The following RORA variants were observed in gnomAD, a reference collection of about 807,000 sequenced individuals.
RORA encodes RAR related orphan receptor A, also known as nuclear receptor ROR-alpha.
Under a neutral mutation model 69.5 loss-of-function variants are expected in RORA, and 7 were observed. The ratio of observed to expected loss-of-function variants is 0.10; its 90% CI spans 0.06 to 0.19. The LOEUF is 0.19. Ranked by LOEUF, RORA falls within the 10% of genes least tolerant of loss-of-function variation. The probability of loss-of-function intolerance (pLI) is 1.00; values close to 1 mark genes in which losing one functional copy is unlikely to be tolerated. For missense variants in RORA, 457 were observed against 663.0 expected (o/e 0.69, Z 3.41); for synonymous variants, 261 against 240.8 (o/e 1.08, Z -0.78).
chr15:60,779,012 C>CA lies in RORA; in HGVS notation c.167-100327dup, dbSNP rs373595073. Among the ~76,000 whole-genome samples, 1,086 of 152,228 alleles carry CA rather than the reference C, an allele frequency of 7.1e-3. 15 individuals are homozygous for CA. The highest frequency in any genetic ancestry group is 0.025 in the African/African-American group (1,039 of 41,540). On this transcript the variant is annotated intron_variant, in intron 1 of 10. Transcript: ENST00000335670. ...TTTCAAGTTCAAAGTGGATTGTAAA[C>CA]ATTAATTAATCAATTCCTCCTCCCA...
chr15:60,515,329 A>C lies in RORA; in HGVS notation c.283-572T>G, dbSNP rs528829553. Among the ~76,000 whole-genome samples, 5 of 152,298 alleles carry C rather than the reference A, an allele frequency of 3.3e-5. No homozygotes were observed. The South Asian group carries it at 1.0e-3, about 32-fold the overall frequency. On this transcript the variant is annotated intron_variant, in intron 3 of 10. Coordinates refer to ENST00000335670, the MANE Select transcript of RORA (RefSeq NM_134261.3). Reference sequence around the variant, plus strand: ...ACACTTGGAGGGATTATTTTGGCAGATCAGATTGGGAATATTCCCTCATCC... The same window carrying C: ...ACACTTGGAGGGATTATTTTGGCAGCTCAGATTGGGAATATTCCCTCATCC...
intron 1 of RORA, among the ~76,000 whole-genome samples, chr15:61,075,050 G>T (rs1216937948): frequency 2.0e-5 from 3 of 150,624 alleles, no homozygotes; most frequent in Admixed American, 6.6e-5. Context: ...TCGTGGCACT[G>T]CACTCCAGCC....
intron 2 of RORA, chr15:60,615,094 G>A: frequency 3.8e-6 from 6 of 1,574,440 alleles, no homozygotes; most frequent in Non-Finnish European, 5.2e-6. Flanking sequence ...GAACCTGGTG[G>A]TGGATCAGCT....
rs1030573433 is a variant in RORA at position 60,996,077 on chromosome 15, T to G, written c.166+232976A>C. 3.0e-5 allele frequency among the ~76,000 whole-genome samples: 3 copies of G among 99,552 alleles called. No homozygotes were observed. In the Admixed American group the frequency reaches 3.0e-4, roughly 10 times the overall value. The allele number at this position is 99,552 out of a possible 152,430, so 65.3% of individuals were successfully genotyped here. On this transcript the variant is annotated intron_variant, in intron 1 of 10. Coordinates refer to ENST00000335670, the MANE Select transcript of RORA (RefSeq NM_134261.3). ...GATCTAGATCTTGTTTTTTGTTTTTTTTTTTTTTTTTGAGATGGAGTCTCA... is the reference window on the plus strand; with the variant it reads ...GATCTAGATCTTGTTTTTTGTTTTTGTTTTTTTTTTTGAGATGGAGTCTCA...
intron 1 of RORA, among the ~76,000 whole-genome samples, chr15:61,081,509 C>T (rs1397535146): frequency 2.6e-5 from 4 of 152,036 alleles, no homozygotes; most frequent in African/African-American, 9.7e-5. Flanking sequence ...TTATGCTTTT[C>T]AAAGAAAACT....
chr15:60,714,468 G>A (rs531128482), intron 1 of RORA, among the ~76,000 whole-genome samples: 4 of 151,126 alleles, frequency 2.6e-5, no homozygotes, highest in South Asian at 4.2e-4. Flanking sequence ...GGGCTCAAGC[G>A]ATTCTCCTGC....
chr15:60,768,194 T>C (rs1025369476), intron 1 of RORA, among the ~76,000 whole-genome samples: 1 of 152,240 alleles, frequency 6.6e-6, no homozygotes, highest in African/African-American at 2.4e-5. Flanking sequence ...TGCCGCTGCC[T>C]CCTCTTTTGC....
intron 1 of RORA, among the ~76,000 whole-genome samples, chr15:60,693,673 T>C (rs1008185093): frequency 6.6e-6 from 1 of 152,136 alleles, no homozygotes; most frequent in Non-Finnish European, 1.5e-5. Flanking sequence ...AGCCAAATCA[T>C]GAATGAACTC....
chr15:61,157,793 T>C (rs1347349341), intron 1 of RORA, among the ~76,000 whole-genome samples: 1 of 152,188 alleles, frequency 6.6e-6, no homozygotes, highest in Non-Finnish European at 1.5e-5. Context: ...ATTAAATGAC[T>C]GTTAAATAAA....
At position 60,905,709 on chromosome 15, in the gene RORA, G is replaced by A. The variant is rs1891516231; in HGVS notation, c.167-227023C>T. ...AAACAGAGCACTTGTGATTGCCATT[G>A]CTTCTGTTTAAGAGATCCAAGCAAG... On this transcript the variant is annotated intron_variant, in intron 1 of 10. Coordinates refer to ENST00000335670, the MANE Select transcript of RORA (RefSeq NM_134261.3). This position sits in a 1 kb window ranked among gnomAD's most constrained non-coding sequence, Gnocchi z 4.8. Among the ~76,000 whole-genome samples, 1 of 152,202 alleles carries A rather than the reference G, an allele frequency of 6.6e-6. No homozygotes were observed. Among genetic ancestry groups the A allele is most frequent in the Non-Finnish European group, 1.5e-5 (1 of 68,042 alleles).
At chr15:60,718,549 T>C (rs552333554) in intron 1 of RORA, among the ~76,000 whole-genome samples, 1 of 152,350 alleles carries the variant, frequency 6.6e-6, no homozygotes, top group Admixed American at 6.5e-5. Flanking sequence ...TCACATTCGA[T>C]TGAATAACGG....
chr15:60,593,027 C>T (rs746745301), intron 2 of RORA: 1 of 443,612 alleles, frequency 2.3e-6, no homozygotes. Context: ...AGTGCCCCAG[C>T]TCTAATCGGA....
chr15:60,631,114 T>C (rs749405184), intron 2 of RORA, among the ~76,000 whole-genome samples: 101 of 152,106 alleles, frequency 6.6e-4, no homozygotes, highest in Non-Finnish European at 1.2e-3. Flanking sequence ...GGTCTCTATC[T>C]CCTGACCTCA....
chr15:61,108,377 G>A (rs2078971354), intron 1 of RORA, among the ~76,000 whole-genome samples: 1 of 152,102 alleles, frequency 6.6e-6, no homozygotes, highest in South Asian at 2.1e-4. Flanking sequence ...CAATGTTACT[G>A]CTAACAGAAT....
At chr15:60,880,601 TG>T (rs1170375217) in intron 1 of RORA, among the ~76,000 whole-genome samples, 1 of 152,114 alleles carries the variant, frequency 6.6e-6, no homozygotes, top group Middle Eastern at 3.2e-3. Flanking sequence ...ATCATGCCAC[TG>T]CACTCCAGCC....
intron 1 of RORA, among the ~76,000 whole-genome samples, chr15:60,852,266 T>C (rs341411): frequency 0.61 from 92,021 of 152,058 alleles, 28,815 homozygotes; most frequent in East Asian, 0.91. Flanking sequence ...TGGAGGCTTA[T>C]AGGAGCTAAC....
chr15:61,022,340 G>GA lies in RORA; in HGVS notation c.166+206712dup, dbSNP rs1334935963. On this transcript the variant is annotated intron_variant, in intron 1 of 10. Transcript: ENST00000335670. ...TACAAACATGTTCATTAATTTGTGGGAAAAAATGTATATGAGTAGAACGGG... is the reference window on the plus strand; with the variant it reads ...TACAAACATGTTCATTAATTTGTGGGAAAAAAATGTATATGAGTAGAACGGG... 3.9e-5 allele frequency among the ~76,000 whole-genome samples: 6 copies of GA among 152,154 alleles called. No individual in the cohort carries two copies. In the East Asian group the frequency reaches 9.6e-4, roughly 24 times the overall value.
At chr15:61,077,029 A>G (rs1418080414) in intron 1 of RORA, among the ~76,000 whole-genome samples, 1 of 152,146 alleles carries the variant, frequency 6.6e-6, no homozygotes, top group African/African-American at 2.4e-5. Context: ...CAAGGGAAAC[A>G]CTAAAACCGA....
chr15:60,876,596 T>C (rs1198949046), intron 1 of RORA, among the ~76,000 whole-genome samples: 1 of 152,158 alleles, frequency 6.6e-6, no homozygotes, highest in African/African-American at 2.4e-5. Flanking sequence ...TGTGACACCA[T>C]GGAGCACACT....
Sources: allele counts gnomAD v4.1 joint callset (sites outside exome capture counted in the v4.1 genomes callset), GRCh38; gene constraint gnomAD v4.1.1; non-coding constraint Gnocchi (gnomAD v3.1); transcripts MANE v1.5; gene names NCBI Gene and HGNC (gene_info 2026-07-23, HGNC 2026-07-21).